UNC5C: variants seen among roughly 807,000 people sequenced by gnomAD.
The protein encoded by UNC5C is unc-5 netrin receptor C.
UNC5C carries 47 observed loss-of-function variants against 99.8 expected under a neutral mutation model. The observed-to-expected ratio is 0.47, with a 90% CI of 0.37 to 0.60. The LOEUF is 0.60. Ranked by LOEUF, UNC5C falls within the 20% of genes least tolerant of loss-of-function variation. The pLI, the probability that UNC5C is intolerant of heterozygous loss-of-function variation, is 0.00. For synonymous variants in UNC5C, 487 were observed against 452.2 expected (o/e 1.08, Z -0.98); for missense variants, 1,062 against 1,165.9 (o/e 0.91, Z 1.30).
At chr4:95,253,371 C>T (rs1185853438) in intron 4 of UNC5C, among the ~76,000 whole-genome samples, 2 of 152,220 alleles carry the variant, frequency 1.3e-5, no homozygotes, top group Admixed American at 1.3e-4. Context: ...AGTGTTCAAT[C>T]TGCATGGTTG....
chr4:95,532,576 G>A (rs572415677), intron 1 of UNC5C, among the ~76,000 whole-genome samples: 9 of 152,266 alleles, frequency 5.9e-5, no homozygotes, highest in African/African-American at 2.2e-4. Flanking sequence ...TGGGGACACA[G>A]GGAAAAGAAG....
rs1488797466 is a variant in UNC5C, at chr4:95,169,015, G to T, written c.*219C>A. 9.1e-6 allele frequency: 5 copies of T among 550,864 alleles called. No homozygotes were observed. Among genetic ancestry groups the T allele is most frequent in the Non-Finnish European group, 1.6e-5 (5 of 315,780 alleles). The allele number at this position is 550,864 out of a possible 1,614,324, so 34.1% of individuals were successfully genotyped here. A position where few individuals can be genotyped will look rare whatever the true frequency, so the allele number is the denominator to read the frequency against. On this transcript the variant is annotated 3_prime_UTR_variant, in exon 16 of 16. Coordinates refer to ENST00000453304, the MANE Select transcript of UNC5C (RefSeq NM_003728.4). The stretch of plus-strand genomic sequence containing the variant: ...AATTAGGTTGATAGCTAAATTCAAG[G>T]TACAAATTTACACAATTTTTCTTAA...
chr4:95,414,020 C>T (rs553754892), intron 1 of UNC5C, among the ~76,000 whole-genome samples: 162 of 152,310 alleles, frequency 1.1e-3, no homozygotes, highest in African/African-American at 3.8e-3. Context: ...ATAGTGGAGG[C>T]ACATGGGCAA....
chr4:95,326,258 T>C (rs1355196478), intron 2 of UNC5C, among the ~76,000 whole-genome samples: 1 of 111,734 alleles, frequency 8.9e-6, no homozygotes, highest in Non-Finnish European at 1.9e-5. Flanking sequence ...TCTGCTAACT[T>C]GAGAATAATT....
At chr4:95,339,597 A>G (rs1329318762) in intron 1 of UNC5C, among the ~76,000 whole-genome samples, 1 of 152,062 alleles carries the variant, frequency 6.6e-6, no homozygotes, top group Admixed American at 6.6e-5. Context: ...TAATATAAAT[A>G]TCTGAAGGAG....
intron 1 of UNC5C, among the ~76,000 whole-genome samples, chr4:95,416,603 T>G (rs1578150993): frequency 6.6e-6 from 1 of 152,342 alleles, no homozygotes; most frequent in East Asian, 1.9e-4. Context: ...AATGGAGACA[T>G]TCGGACAATT....
chr4:95,257,101 T>C (rs1313336965), intron 4 of UNC5C, among the ~76,000 whole-genome samples: 1 of 152,050 alleles, frequency 6.6e-6, no homozygotes, highest in Non-Finnish European at 1.5e-5. Context: ...TATCTTTCAA[T>C]CCAATCAAGT....
chr4:95,470,886 A>G (rs1747946418), intron 1 of UNC5C, among the ~76,000 whole-genome samples: 1 of 152,144 alleles, frequency 6.6e-6, no homozygotes, highest in Admixed American at 6.6e-5. Flanking sequence ...ATAAAAACAA[A>G]AAAGAAGTAT....
At chr4:95,460,926 C>A (rs879487808) in intron 1 of UNC5C, among the ~76,000 whole-genome samples, 1 of 152,090 alleles carries the variant, frequency 6.6e-6, no homozygotes, top group Non-Finnish European at 1.5e-5. Context: ...GTTCTAACTG[C>A]CACATAGGTA....
chr4:95,216,611 A>C (rs930265076), intron 9 of UNC5C, among the ~76,000 whole-genome samples: 11 of 152,132 alleles, frequency 7.2e-5, no homozygotes, highest in African/African-American at 1.4e-4. Context: ...AAAAAAAAAA[A>C]CAACATGTAT....
intron 12 of UNC5C, among the ~76,000 whole-genome samples, chr4:95,201,026 C>T (rs74558452): frequency 2.5e-4 from 38 of 152,294 alleles, no homozygotes; most frequent in African/African-American, 4.8e-4. Flanking sequence ...CTCTCCACCA[C>T]GTGAGGACAC....
intron 1 of UNC5C, among the ~76,000 whole-genome samples, chr4:95,528,048 G>A (rs570379165): frequency 1.3e-5 from 2 of 152,202 alleles, no homozygotes; most frequent in South Asian, 4.2e-4. Context: ...CTAGTGGGAG[G>A]ATTACAGAGT....
At chr4:95,308,839 G>A (rs1379602965) in intron 2 of UNC5C, among the ~76,000 whole-genome samples, 1 of 142,048 alleles carries the variant, frequency 7.0e-6, no homozygotes, top group East Asian at 2.2e-4. Context: ...AACTAATATT[G>A]TTAAAATGTT....
At chr4:95,355,645 A>C (rs1744155597) in intron 1 of UNC5C, among the ~76,000 whole-genome samples, 1 of 151,602 alleles carries the variant, frequency 6.6e-6, no homozygotes, top group Non-Finnish European at 1.5e-5. Context: ...TATCTGAACA[A>C]GTTTCTGTGC....
chr4:95,195,070 T>C (rs1014864674), intron 12 of UNC5C, among the ~76,000 whole-genome samples: 10 of 152,200 alleles, frequency 6.6e-5, no homozygotes, highest in African/African-American at 2.4e-4. Context: ...TTTAATATCT[T>C]CCTTAAGCCA....
chr4:95,378,399 C>T (rs1379492028), intron 1 of UNC5C, among the ~76,000 whole-genome samples: 1 of 151,550 alleles, frequency 6.6e-6, no homozygotes, highest in Non-Finnish European at 1.5e-5. Context: ...GCCTACGTAA[C>T]TATCATAATT....
intron 1 of UNC5C, among the ~76,000 whole-genome samples, chr4:95,524,947 C>T (rs1325798207): frequency 1.3e-5 from 2 of 152,154 alleles, no homozygotes; most frequent in Non-Finnish European, 2.9e-5. Context: ...TTTCTGAACA[C>T]AAGGCAAGTC....
chr4:95,493,441 G>A (rs1721553202), intron 1 of UNC5C, among the ~76,000 whole-genome samples: 1 of 151,340 alleles, frequency 6.6e-6, no homozygotes, highest in Non-Finnish European at 1.5e-5. Flanking sequence ...AAGTTTTATT[G>A]TGTACACTCT....
intron 2 of UNC5C, among the ~76,000 whole-genome samples, chr4:95,330,382 C>T (rs1454712497): frequency 6.6e-6 from 1 of 152,064 alleles, no homozygotes; most frequent in Non-Finnish European, 1.5e-5. Context: ...AAGAATATGT[C>T]TTTCCTTAAT....
Sources: gnomAD v4.1 joint callset for allele counts (sites outside exome capture counted in the v4.1 genomes callset) on GRCh38, gnomAD v4.1.1 for gene constraint, MANE v1.5 for transcripts, NCBI Gene and HGNC (gene_info 2026-07-23, HGNC 2026-07-21) for gene names.